The following SMARCA2 variants were observed in gnomAD, a reference collection of about 807,000 sequenced individuals.
SMARCA2 encodes the protein SWI/SNF-related matrix-associated actin-dependent regulator of chromatin subfamily A member 2.
A neutral mutation model predicts 199.8 loss-of-function variants in SMARCA2; 61 were observed. The ratio of observed to expected loss-of-function variants is 0.31; its 90% CI spans 0.25 to 0.38. The LOEUF (loss-of-function observed/expected upper bound fraction) is 0.38, where lower values mean the gene tolerates loss of function less well. Among genes scored for constraint, SMARCA2 ranks in the 10% least tolerant of loss-of-function variants. The probability of loss-of-function intolerance (pLI) is 1.00; values close to 1 mark genes in which losing one functional copy is unlikely to be tolerated. For missense variants in SMARCA2, 1,344 were observed against 2,012.2 expected (o/e 0.67, Z 6.35); for synonymous variants, 935 against 732.0 (o/e 1.28, Z -4.48).
rs552526223 is a variant in SMARCA2 at position 2,115,049 on chromosome 9, A to T, written c.3457-773A>T. 1.9e-4 allele frequency among the ~76,000 whole-genome samples: 29 copies of T among 149,166 alleles called. No homozygotes were observed. Among genetic ancestry groups the T allele is most frequent in the South Asian group, 1.9e-3 (9 of 4,682 alleles). ...AGTATTGTTGAATGTTTCTTTTTTT[A>T]AAAAAAAAGCCATTAGAGAGAGTAA... On this transcript the variant is annotated intron_variant, in intron 24 of 33. Transcript: ENST00000349721. The surrounding 1 kb of genome is among the most constrained non-coding windows in gnomAD (Gnocchi z 6.0).
chr9:2,046,558 C>G (rs1359205665), intron 4 of SMARCA2, among the ~76,000 whole-genome samples: 1 of 152,026 alleles, frequency 6.6e-6, no homozygotes, highest in Non-Finnish European at 1.5e-5. Flanking sequence ...GCTTTATAGG[C>G]CTTAAAAGAA....
intron 7 of SMARCA2, among the ~76,000 whole-genome samples, chr9:2,057,636 G>C (rs1191802379): frequency 6.6e-6 from 1 of 152,142 alleles, no homozygotes; most frequent in Non-Finnish European, 1.5e-5. Context: ...GTTTCACAGA[G>C]GCAAATATTA....
intron 1 of SMARCA2, among the ~76,000 whole-genome samples, chr9:2,022,371 T>G (rs112131827): frequency 0.01 from 1,593 of 152,314 alleles, 30 homozygotes; most frequent in African/African-American, 0.036. Flanking sequence ...CTGTTATGCC[T>G]ATTTTGTAGG....
intron 12 of SMARCA2, among the ~76,000 whole-genome samples, chr9:2,074,100 T>A (rs1821213493): frequency 6.6e-6 from 1 of 152,204 alleles, no homozygotes; most frequent in African/African-American, 2.4e-5. Flanking sequence ...TTATTGATCC[T>A]CTTGATTTCT....
chr9:2,178,272 C>T (rs796204214), intron 29 of SMARCA2, among the ~76,000 whole-genome samples: 7 of 152,222 alleles, frequency 4.6e-5, no homozygotes, highest in African/African-American at 1.7e-4. Flanking sequence ...TCAAGTTGTA[C>T]CCCTCCCCCA....
intron 5 of SMARCA2, among the ~76,000 whole-genome samples, chr9:2,050,426 C>T (rs1820067211): frequency 6.6e-6 from 1 of 151,926 alleles, no homozygotes; most frequent in African/African-American, 2.4e-5. Flanking sequence ...TCAAAAGTAC[C>T]TCAGGAATCA....
intron 9 of SMARCA2, among the ~76,000 whole-genome samples, chr9:2,064,733 C>G (rs1440471572): frequency 1.3e-5 from 2 of 152,130 alleles, no homozygotes; most frequent in Non-Finnish European, 2.9e-5. Context: ...CCACCCTGTT[C>G]CCCCAACTCC....
At chr9:2,088,451 A>T (rs1286819230) in intron 18 of SMARCA2, 49 bp from the exon 19 acceptor site, 2 of 1,543,294 alleles carry the variant, frequency 1.3e-6, no homozygotes, top group Non-Finnish European at 1.7e-6. Context: ...TATTGTATGA[A>T]ACATCCTTTT....
chr9:2,158,850 A>G, intron 27 of SMARCA2: 11 of 1,280,606 alleles, frequency 8.6e-6, no homozygotes, highest in Non-Finnish European at 1.1e-5. Context: ...TTCCATTAGA[A>G]AAAGACCCTT....
chr9:2,063,984 A>G (rs1003628971), intron 9 of SMARCA2, among the ~76,000 whole-genome samples: 1 of 152,246 alleles, frequency 6.6e-6, no homozygotes, highest in African/African-American at 2.4e-5. Context: ...AGTGAACTAC[A>G]TGTATCTCCT....
At chr9:2,029,897 T>C (rs568667246) in intron 2 of SMARCA2, among the ~76,000 whole-genome samples, 6 of 152,350 alleles carry the variant, frequency 3.9e-5, no homozygotes, top group Admixed American at 6.5e-5. Flanking sequence ...GCTGTGGGGA[T>C]GATCATATCT....
intron 25 of SMARCA2, among the ~76,000 whole-genome samples, chr9:2,118,642 G>A (rs1249816844): frequency 6.6e-6 from 1 of 152,118 alleles, no homozygotes; most frequent in African/African-American, 2.4e-5. Flanking sequence ...AGCATATGCC[G>A]AACTTTTAGA....
In SMARCA2 at chr9:2,170,087, C is replaced by T. The variant is rs918040535; in HGVS notation, c.4200-332C>T. 6.6e-6 allele frequency among the ~76,000 whole-genome samples: 1 copy of T among 152,154 alleles called. No individual in the cohort carries two copies. Among genetic ancestry groups the T allele is most frequent in the African/African-American group, 2.4e-5 (1 of 41,420 alleles). On this transcript the variant is annotated intron_variant, in intron 28 of 33. Coordinates refer to ENST00000349721, the MANE Select transcript of SMARCA2 (RefSeq NM_003070.5). This position sits in a 1 kb window ranked among gnomAD's most constrained non-coding sequence, Gnocchi z 4.7. ...TAGACTAGCACTACCTTCCCAAGATCACACGCACCTCTAGCCAGTGGCTGC... is the reference window on the plus strand; with the variant it reads ...TAGACTAGCACTACCTTCCCAAGATTACACGCACCTCTAGCCAGTGGCTGC...
At chr9:2,126,761 C>T (rs1228779153) in intron 27 of SMARCA2, among the ~76,000 whole-genome samples, 1 of 152,248 alleles carries the variant, frequency 6.6e-6, no homozygotes, top group Non-Finnish European at 1.5e-5. Flanking sequence ...AACAGCTTCC[C>T]ATCCCTTGCT....
rs1158557079 is a variant in SMARCA2 at position 2,039,060 on chromosome 9, G to C, written c.356-406G>C. Reference sequence around the variant, plus strand: ...GGACACATGTAGCTATTGATCACTTGAAGTGTGGTTAGTTCGAATTGAGAT... The same window carrying C: ...GGACACATGTAGCTATTGATCACTTCAAGTGTGGTTAGTTCGAATTGAGAT... On this transcript the variant is annotated intron_variant, in intron 3 of 33. Coordinates refer to ENST00000349721, the MANE Select transcript of SMARCA2 (RefSeq NM_003070.5). This position sits in a 1 kb window ranked among gnomAD's most constrained non-coding sequence, Gnocchi z 4.8. 6.6e-6 allele frequency among the ~76,000 whole-genome samples: 1 copy of C among 152,104 alleles called. No individual in the cohort carries two copies. The highest frequency in any genetic ancestry group is 1.5e-5 in the Non-Finnish European group (1 of 68,018).
intron 32 of SMARCA2, among the ~76,000 whole-genome samples, chr9:2,190,817 A>G (rs985161672): frequency 2.0e-5 from 3 of 152,184 alleles, no homozygotes; most frequent in Non-Finnish European, 4.4e-5. Context: ...TGATTGAACT[A>G]TTTGAATTTT....
chr9:2,032,910 A>T, intron 2 of SMARCA2, 42 bp from the exon 3 acceptor site: 1 of 1,579,914 alleles, frequency 6.3e-7, no homozygotes, highest in East Asian at 2.3e-5. Context: ...GAAATATTTT[A>T]CCTTATAGAG....
At chr9:2,152,542 G>A (rs1377630181) in intron 27 of SMARCA2, among the ~76,000 whole-genome samples, 1 of 151,692 alleles carries the variant, frequency 6.6e-6, no homozygotes, top group Non-Finnish European at 1.5e-5. Flanking sequence ...AACAGAGCGA[G>A]ACTCCATCTC....
intron 31 of SMARCA2, among the ~76,000 whole-genome samples, 167 bp downstream of exon 31, chr9:2,182,409 C>T (rs1048874344): frequency 3.0e-4 from 45 of 150,670 alleles, no homozygotes; most frequent in Non-Finnish European, 6.1e-4. Context: ...GAGGCTTTGG[C>T]ATCTGCAGAT....
Sources: allele counts gnomAD v4.1 joint callset (sites outside exome capture counted in the v4.1 genomes callset), GRCh38; gene constraint gnomAD v4.1.1; non-coding constraint Gnocchi (gnomAD v3.1); transcripts MANE v1.5; gene names NCBI Gene and HGNC (gene_info 2026-07-23, HGNC 2026-07-21).